TMEM108: variants seen among roughly 807,000 people sequenced by gnomAD.
TMEM108 encodes the protein cancer/testis antigen 124.
TMEM108 carries 12 observed loss-of-function variants against 35.1 expected under a neutral mutation model. The ratio of observed to expected loss-of-function variants is 0.34; its 90% CI spans 0.22 to 0.55. TMEM108 has a LOEUF of 0.55. TMEM108 is among the 20% of genes least tolerant of loss of function. The pLI is 0.89. For missense variants in TMEM108, 680 were observed against 753.3 expected (o/e 0.90, Z 1.14); for synonymous variants, 287 against 308.6 (o/e 0.93, Z 0.73).
At chr3:133,078,700 A>G (rs1943774768) in intron 2 of TMEM108, among the ~76,000 whole-genome samples, 1 of 152,238 alleles carries the variant, frequency 6.6e-6, no homozygotes, top group Non-Finnish European at 1.5e-5. Flanking sequence ...TTAAGCTTTG[A>G]AGTTATCTAT....
At chr3:133,182,382 T>A (rs7620182) in intron 2 of TMEM108, among the ~76,000 whole-genome samples, 3,235 of 152,282 alleles carry the variant, frequency 0.021, 113 homozygotes, top group African/African-American at 0.073. Context: ...TTTAAAAACC[T>A]GCTGAGTATC....
intron 3 of TMEM108, among the ~76,000 whole-genome samples, chr3:133,258,856 T>G (rs1946585309): frequency 6.6e-6 from 1 of 152,256 alleles, no homozygotes; most frequent in Admixed American, 6.5e-5. Flanking sequence ...AACAATTCAC[T>G]GATCTCTGCC....
intron 2 of TMEM108, among the ~76,000 whole-genome samples, chr3:133,060,651 C>A (rs1315242555): frequency 6.6e-6 from 1 of 152,134 alleles, no homozygotes; most frequent in Non-Finnish European, 1.5e-5. Context: ...TCCACCAATT[C>A]AACTTCTAGT....
chr3:133,257,396 G>A (rs1946563134), intron 3 of TMEM108, among the ~76,000 whole-genome samples: 1 of 152,302 alleles, frequency 6.6e-6, no homozygotes, highest in Non-Finnish European at 1.5e-5. Flanking sequence ...TCTCTGAGTA[G>A]TTACAAATGC....
chr3:133,085,567 T>C (rs1943871460), intron 2 of TMEM108, among the ~76,000 whole-genome samples: 1 of 152,198 alleles, frequency 6.6e-6, no homozygotes, highest in African/African-American at 2.4e-5. Context: ...TTCAGTATGT[T>C]ACAATCAATT....
At chr3:133,384,574 G>A (rs2073098772) in intron 4 of TMEM108, among the ~76,000 whole-genome samples, 1 of 152,076 alleles carries the variant, frequency 6.6e-6, no homozygotes, top group Non-Finnish European at 1.5e-5. Context: ...GCTGAGAACT[G>A]AAATTGATTG....
chr3:133,143,707 T>C (rs1026655624), intron 2 of TMEM108, among the ~76,000 whole-genome samples: 8 of 152,142 alleles, frequency 5.3e-5, no homozygotes. Flanking sequence ...CTAAATCTGC[T>C]GCACTGAAAT....
chr3:133,395,106 C>T (rs1408353534), intron 5 of TMEM108, among the ~76,000 whole-genome samples: 2 of 152,170 alleles, frequency 1.3e-5, no homozygotes, highest in African/African-American at 2.4e-5. Flanking sequence ...AAACCAAAAC[C>T]CTGCCAAAGC....
chr3:133,100,993 C>A (rs1944080152), intron 2 of TMEM108, among the ~76,000 whole-genome samples: 1 of 152,106 alleles, frequency 6.6e-6, no homozygotes, highest in Non-Finnish European at 1.5e-5. Context: ...ACATTAAGAA[C>A]ATTTCCTCAT....
At chr3:133,165,710 G>C (rs896910881) in intron 2 of TMEM108, among the ~76,000 whole-genome samples, 1 of 152,182 alleles carries the variant, frequency 6.6e-6, no homozygotes, top group African/African-American at 2.4e-5. Context: ...GACCCACTTC[G>C]GAGGAGGTGC....
intron 2 of TMEM108, among the ~76,000 whole-genome samples, chr3:133,134,763 C>T (rs1378380672): frequency 6.6e-6 from 1 of 151,932 alleles, no homozygotes. Context: ...ATTTTTTCAT[C>T]CCTCACCCCC....
At chr3:133,086,683 G>T (rs1943886293) in intron 2 of TMEM108, among the ~76,000 whole-genome samples, 1 of 152,180 alleles carries the variant, frequency 6.6e-6, no homozygotes, top group African/African-American at 2.4e-5. Flanking sequence ...TGATTCTGTA[G>T]CATCTGGTAC....
In TMEM108 at chr3:133,370,919, T is replaced by TGTGTGTGTGTGTGTGTGTGC. The variant is rs528508777; in HGVS notation, c.41-8830_41-8829insTGTGTGTGTGTGTGTGCGTG. Among the ~76,000 whole-genome samples, 9 of 136,788 alleles carry TGTGTGTGTGTGTGTGTGTGC rather than the reference T, an allele frequency of 6.6e-5. No homozygotes were observed. In the East Asian group the frequency reaches 2.0e-3, roughly 31 times the overall value. The allele number at this position is 136,788 out of a possible 152,430, so 89.7% of individuals were successfully genotyped here. ...GTGTGTGTGTGTGTGTGTGTGTGTG[T>TGTGTGTGTGTGTGTGTGTGC]GTGCCAGGAAGCTTCATGGCCCTCC... On this transcript the variant is annotated intron_variant, in intron 3 of 5. Coordinates refer to ENST00000321871, the MANE Select transcript of TMEM108 (RefSeq NM_023943.4).
chr3:133,181,353 A>G (rs917644061), intron 2 of TMEM108, among the ~76,000 whole-genome samples: 2 of 152,178 alleles, frequency 1.3e-5, no homozygotes, highest in African/African-American at 4.8e-5. Context: ...TTCTCCAGCA[A>G]TCACTAGGGG....
chr3:133,069,005 C>T (rs1215370872), intron 2 of TMEM108, among the ~76,000 whole-genome samples: 1 of 152,080 alleles, frequency 6.6e-6, no homozygotes, highest in Non-Finnish European at 1.5e-5. Context: ...AAACAGTGTA[C>T]ATCCATGTTT....
chr3:133,368,188 C>CCAAGTGTTCCGGAGA (rs11276649), intron 3 of TMEM108, among the ~76,000 whole-genome samples: 60,252 of 151,616 alleles, frequency 0.4, 12,047 homozygotes, highest in Admixed American at 0.43. Context: ...TTTATAGGAG[C>CCAAGTGTTCCGGAGA]CACCACTGCA....
intron 2 of TMEM108, among the ~76,000 whole-genome samples, chr3:133,156,210 G>C (rs1305577446): frequency 2.0e-5 from 3 of 152,042 alleles, no homozygotes; most frequent in Non-Finnish European, 2.9e-5. Context: ...TAGTGATTCT[G>C]TAGGTGTTTT....
intron 4 of TMEM108, chr3:133,388,657 A>G (rs1396722167): frequency 2.0e-6 from 2 of 985,334 alleles, no homozygotes; most frequent in African/African-American, 3.5e-5. Context: ...ATCAAAGCAG[A>G]TAAGATAAAG....
intron 2 of TMEM108, among the ~76,000 whole-genome samples, chr3:133,178,409 T>C (rs1415409462): frequency 1.3e-5 from 2 of 152,100 alleles, no homozygotes; most frequent in Non-Finnish European, 2.9e-5. Flanking sequence ...CTTCAAATTA[T>C]ACTACAAGGC....
Sources: allele counts gnomAD v4.1 joint callset (sites outside exome capture counted in the v4.1 genomes callset), GRCh38; gene constraint gnomAD v4.1.1; transcripts MANE v1.5; gene names NCBI Gene and HGNC (gene_info 2026-07-23, HGNC 2026-07-21).